Variants in STK3 observed in about 807,000 individuals in gnomAD.
STK3 encodes the protein serine/threonine-protein kinase 3.
Under a neutral mutation model 58.0 loss-of-function variants are expected in STK3, and 41 were observed. The observed-to-expected ratio is 0.71, with a 90% CI of 0.55 to 0.92. The LOEUF (loss-of-function observed/expected upper bound fraction) is 0.92. Among genes scored for constraint, STK3 ranks in the 40% least tolerant of loss-of-function variants. The pLI is 0.00. For synonymous variants in STK3, 170 were observed against 191.0 expected, an observed-to-expected ratio of 0.89 and a Z score of 0.91; for missense variants, 479 against 602.7, an observed-to-expected ratio of 0.79 and a Z score of 2.15.
intron 3 of STK3, among the ~76,000 whole-genome samples, chr8:98,419,501 G>A (rs1818148324): frequency 6.6e-6 from 1 of 152,198 alleles, no homozygotes; most frequent in African/African-American, 2.4e-5. Flanking sequence ...ACTTTATTCT[G>A]AGAAAAGGAA....
intron 10 of STK3, among the ~76,000 whole-genome samples, chr8:98,517,812 C>A (rs963243934): frequency 1.3e-5 from 2 of 152,066 alleles, no homozygotes; most frequent in African/African-American, 4.8e-5. Context: ...ATTGTCCACT[C>A]TTTGATCCTA....
chr8:98,581,636 C>T (rs1429813072), intron 7 of STK3, among the ~76,000 whole-genome samples: 1 of 151,432 alleles, frequency 6.6e-6, no homozygotes, highest in African/African-American at 2.4e-5. Context: ...ACTAGGCTGT[C>T]CATTTCTCCG....
chr8:98,725,599 C>A (rs1027067063), intron 4 of STK3, among the ~76,000 whole-genome samples: 1 of 152,186 alleles, frequency 6.6e-6, no homozygotes, highest in South Asian at 2.1e-4. Flanking sequence ...ATATATATTT[C>A]TTGATTTCCT....
chr8:98,628,133 T>C (rs1818877294), intron 6 of STK3, among the ~76,000 whole-genome samples: 1 of 152,204 alleles, frequency 6.6e-6, no homozygotes, highest in Non-Finnish European at 1.5e-5. Context: ...CAACTCTACA[T>C]AAAACTAAAG....
At chr8:98,779,897 TGAATGAATGA>T (rs1441569345) in intron 1 of STK3, among the ~76,000 whole-genome samples, 7 of 151,898 alleles carry the variant, frequency 4.6e-5, no homozygotes, top group African/African-American at 1.7e-4. Flanking sequence ...AATGAATGAA[TGAATGAATGA>T]ATATATATAA....
At chr8:98,816,589 A>G (rs1166247472) in intron 1 of STK3, among the ~76,000 whole-genome samples, 1 of 151,926 alleles carries the variant, frequency 6.6e-6, no homozygotes, top group East Asian at 1.9e-4. Context: ...GCTAGAGTGC[A>G]ATGGTGCAAT....
In STK3 at chr8:98,730,059, C is replaced by A. The variant is rs568013090; in HGVS notation, c.351+19217G>T. On this transcript the variant is annotated intron_variant, in intron 4 of 10. Coordinates refer to ENST00000419617, the MANE Select transcript of STK3 (RefSeq NM_006281.4). ...AATGTATTTAGAAAAGTACCTGGCA[C>A]ATAAAAGTAATACATATTTCTGTTG... Among the ~76,000 whole-genome samples the A allele has an allele frequency of 4.3e-4, 66 of 152,288 alleles. 1 individual carries two copies. In the South Asian group the frequency reaches 0.013, roughly 30 times the overall value.
intron 1 of STK3, among the ~76,000 whole-genome samples, chr8:98,380,273 A>G (rs1313472251): frequency 1.3e-5 from 2 of 152,240 alleles, no homozygotes; most frequent in Non-Finnish European, 2.9e-5. Flanking sequence ...TTACGGGGAT[A>G]GAAATCATGT....
chr8:98,894,100 C>T (rs1475054973), intron 1 of STK3, among the ~76,000 whole-genome samples: 2 of 152,178 alleles, frequency 1.3e-5, no homozygotes, highest in Non-Finnish European at 2.9e-5. Flanking sequence ...TATCTTCTTC[C>T]TTCTATCCCG....
At chr8:98,744,942 T>C (rs1220997855) in intron 4 of STK3, among the ~76,000 whole-genome samples, 4 of 151,296 alleles carry the variant, frequency 2.6e-5, no homozygotes, top group African/African-American at 9.7e-5. Flanking sequence ...TCCTATCATA[T>C]ACAGAAATAA....
chr8:98,576,186 C>A (rs1813383693), intron 8 of STK3, among the ~76,000 whole-genome samples: 1 of 152,154 alleles, frequency 6.6e-6, no homozygotes, highest in African/African-American at 2.4e-5. Context: ...GTCTTAGCAA[C>A]TCTGTTAAAA....
chr8:98,769,873 AG>A (rs1831186202), intron 2 of STK3, among the ~76,000 whole-genome samples: 1 of 152,250 alleles, frequency 6.6e-6, no homozygotes, highest in African/African-American at 2.4e-5. Context: ...TGAGAGAACC[AG>A]AAAACTTCTG....
intron 1 of STK3, chr8:98,439,315 A>AT (rs1554590011): frequency 6.6e-6 from 1 of 152,088 alleles, no homozygotes; most frequent in Non-Finnish European, 1.5e-5. Flanking sequence ...TGTGGAGTCG[A>AT]TTTGACCTGG....
intron 10 of STK3, among the ~76,000 whole-genome samples, chr8:98,470,913 T>C (rs1290347802): frequency 6.6e-6 from 1 of 152,168 alleles, no homozygotes; most frequent in East Asian, 1.9e-4. Context: ...AATTAACTGA[T>C]AGAACACCTG....
intron 1 of STK3, among the ~76,000 whole-genome samples, chr8:98,938,669 A>T (rs976093074): frequency 6.6e-6 from 1 of 151,700 alleles, no homozygotes; most frequent in African/African-American, 2.4e-5. Flanking sequence ...GGGCACAGAG[A>T]CTCTGAGCCC....
rs145847949 is a variant in STK3, at chr8:98,848,742, A to G, written c.110+34905T>C. On this transcript the variant is annotated intron_variant, in intron 3 of 12. Coordinates refer to the STK3 transcript ENST00000523601. ...TGGATGTACTACATTTTCCTCAACC[A>G]TTCATTAGTTGGTGGACATTTGGTT... Among the ~76,000 whole-genome samples, 1,062 of 152,238 alleles carry G rather than the reference A, an allele frequency of 7.0e-3. 9 individuals carry two copies. Among genetic ancestry groups the G allele is most frequent in the African/African-American group, 0.024 (995 of 41,540 alleles).
chr8:98,695,697 T>C (rs567444150), intron 6 of STK3, among the ~76,000 whole-genome samples: 34 of 152,328 alleles, frequency 2.2e-4, no homozygotes, highest in African/African-American at 8.2e-4. Context: ...CTCTGTTCCA[T>C]TGATCTATAT....
intron 10 of STK3, among the ~76,000 whole-genome samples, chr8:98,499,782 T>A (rs1329379774): frequency 1.3e-5 from 2 of 152,224 alleles, no homozygotes; most frequent in Admixed American, 6.5e-5. Context: ...CCTACAATTA[T>A]ATACAATGAT....
At chr8:98,772,138 C>T (rs1017575783) in intron 2 of STK3, among the ~76,000 whole-genome samples, 2 of 152,128 alleles carry the variant, frequency 1.3e-5, no homozygotes, top group Non-Finnish European at 2.9e-5. Flanking sequence ...TTATAATATC[C>T]TCTTCAATCA....
Sources: gnomAD v4.1 joint callset for allele counts (sites outside exome capture counted in the v4.1 genomes callset) on GRCh38, gnomAD v4.1.1 for gene constraint, MANE v1.5 for transcripts, NCBI Gene and HGNC (gene_info 2026-07-23, HGNC 2026-07-21) for gene names.